ZFYVE9: variants seen among roughly 807,000 people sequenced by gnomAD.
The protein encoded by ZFYVE9 is zinc finger FYVE domain-containing protein 9.
In ZFYVE9, 43 loss-of-function variants were observed where a neutral mutation model predicts 126.7. The ratio of observed to expected loss-of-function variants is 0.34; its 90% confidence interval spans 0.27 to 0.44. ZFYVE9 has a LOEUF of 0.44. ZFYVE9 is among the 20% of genes least tolerant of loss of function. The pLI is 1.00. For synonymous variants in ZFYVE9, 521 were observed against 597.4 expected, an observed-to-expected ratio of 0.87 and a Z score of 1.87; for missense variants, 1,476 against 1,697.0, an observed-to-expected ratio of 0.87 and a Z score of 2.29.
At chr1:52,190,729 A>G (rs1444222982) in intron 1 of ZFYVE9, among the ~76,000 whole-genome samples, 1 of 152,214 alleles carries the variant, frequency 6.6e-6, no homozygotes, top group Non-Finnish European at 1.5e-5. Flanking sequence ...AACATGGCTG[A>G]GATAAAGTAC....
chr1:52,144,224 C>T (rs1644287848), intron 1 of ZFYVE9, among the ~76,000 whole-genome samples: 1 of 152,024 alleles, frequency 6.6e-6, no homozygotes, highest in South Asian at 2.1e-4. Flanking sequence ...GAGGCTGAGG[C>T]ACAAGAATCA....
chr1:52,296,069 C>A, intron 12 of ZFYVE9, 92 bp downstream of exon 12: 2 of 1,134,056 alleles, frequency 1.8e-6, no homozygotes, highest in Non-Finnish European at 2.6e-6. Flanking sequence ...TAGCTGTGCC[C>A]AAGCTGCTTA....
chr1:52,332,750 T>C lies in ZFYVE9; in HGVS notation c.3439-18T>C. 1 of 1,611,198 alleles carries C rather than the reference T, an allele frequency of 6.2e-7. No homozygotes were observed. Among genetic ancestry groups the C allele is most frequent in the South Asian group, 1.1e-5 (1 of 90,866 alleles). On this transcript the variant is annotated intron_variant, in intron 13 of 18. Transcript: ENST00000287727. ...AATGCCCATTCTTGTCAGAATAAGGTTATCTCTTTGATTGCAGATGATGAA... is the reference window on the plus strand; with the variant it reads ...AATGCCCATTCTTGTCAGAATAAGGCTATCTCTTTGATTGCAGATGATGAA...
intron 1 of ZFYVE9, among the ~76,000 whole-genome samples, chr1:52,188,423 G>A (rs2124551614): frequency 6.6e-6 from 1 of 152,224 alleles, no homozygotes; most frequent in Non-Finnish European, 1.5e-5. Flanking sequence ...ATAAACCCCT[G>A]TGACATGAGT....
chr1:52,172,458 G>A (rs1644582527), intron 1 of ZFYVE9, among the ~76,000 whole-genome samples: 1 of 152,058 alleles, frequency 6.6e-6, no homozygotes, highest in African/African-American at 2.4e-5. Flanking sequence ...TTGTTCTTTT[G>A]GCTTAGGATT....
Position 52,237,572 on chromosome 1 carries a change from C to A in ZFYVE9, c.155C>A (p.Thr52Asn). 6.2e-7 allele frequency: 1 copy of A among 1,614,034 alleles called. No individual in the cohort carries two copies. The highest frequency in any genetic ancestry group is 1.6e-4 in the Middle Eastern group (1 of 6,062). Residue 52 changes from threonine (T) to asparagine (N), a missense_variant, in exon 4 of 19, where the codon ACT becomes AAT. Transcript: ENST00000287727. ...TCTCACCGGCTGTCATTTAACCCTA[C>A]TTTGGCCAGTGTGAATGAATCTGCA... ...PPSHRLSFNPTLASVNESAVS... is the reference protein window; with the variant it reads ...PPSHRLSFNPNLASVNESAVS...
intron 1 of ZFYVE9, among the ~76,000 whole-genome samples, chr1:52,153,956 A>G (rs1644378922): frequency 6.6e-6 from 1 of 152,170 alleles, no homozygotes; most frequent in Non-Finnish European, 1.5e-5. Flanking sequence ...ATAGCACACC[A>G]TTTTTGTCTC....
intron 7 of ZFYVE9, among the ~76,000 whole-genome samples, chr1:52,273,919 TTGTGGAAAAATATTAAC>T (rs1196684439): frequency 6.6e-6 from 1 of 152,146 alleles, no homozygotes; most frequent in Non-Finnish European, 1.5e-5. Context: ...CCCTTTTTTA[TTGTGGAAAAATATTAAC>T]ATATATAACA....
intron 1 of ZFYVE9, among the ~76,000 whole-genome samples, chr1:52,181,735 G>T (rs1409166044): frequency 6.7e-6 from 1 of 149,766 alleles, no homozygotes; most frequent in Non-Finnish European, 1.5e-5. Flanking sequence ...CTGCCCCGCT[G>T]CCCCGTCTGG....
intron 15 of ZFYVE9, among the ~76,000 whole-genome samples, chr1:52,335,381 GT>G (rs574201855): frequency 6.6e-6 from 1 of 152,292 alleles, no homozygotes. Context: ...TGGAGTCTTA[GT>G]TGGGATCACT....
At chr1:52,241,036 G>T (rs1645329004) in intron 4 of ZFYVE9, among the ~76,000 whole-genome samples, 1 of 152,056 alleles carries the variant, frequency 6.6e-6, no homozygotes, top group African/African-American at 2.4e-5. Context: ...ACTATATTTG[G>T]GATTCTTGCA....
chr1:52,245,643 C>T (rs575591832), intron 4 of ZFYVE9, among the ~76,000 whole-genome samples: 2 of 152,284 alleles, frequency 1.3e-5, no homozygotes, highest in East Asian at 1.9e-4. Flanking sequence ...GGGACTTTGA[C>T]TTCTAGAACC....
At position 52,239,124 on chromosome 1, in the gene ZFYVE9, G is replaced by A. The variant is rs769191238; in HGVS notation, c.1707G>A (p.Leu569=). The A allele has an allele frequency of 1.2e-6, 2 of 1,613,972 alleles. No homozygotes were observed. The highest frequency in any genetic ancestry group is 1.3e-5 in the African/African-American group (1 of 74,906). Residue 569 remains leucine (L), a synonymous_variant, in exon 4 of 19, where the codon CTG becomes CTA. Coordinates refer to ENST00000287727, the MANE Select transcript of ZFYVE9 (RefSeq NM_004799.4). ...GQSSPKVVAS[L]PSISVPFGGA... is the part of the protein sequence containing the mutation. ...CTTCCCCCAAGGTAGTAGCAAGCCT[G>A]CCATCTATCAGTGTTCCTTTTGGTG...
chr1:52,303,740 A>T, intron 12 of ZFYVE9, 81 bp from the exon 13 acceptor site: 1 of 838,752 alleles, frequency 1.2e-6, no homozygotes, highest in Non-Finnish European at 1.8e-6. Flanking sequence ...CATTTTTTCC[A>T]TTCGTGTTAA....
intron 1 of ZFYVE9, among the ~76,000 whole-genome samples, chr1:52,191,579 C>A (rs1644817007): frequency 6.6e-6 from 1 of 152,154 alleles, no homozygotes; most frequent in African/African-American, 2.4e-5. Context: ...CTAATCCTTA[C>A]CACAGTCCTA....
At position 52,238,978 on chromosome 1, in the gene ZFYVE9, G is replaced by A; in HGVS notation, c.1561G>A (p.Glu521Lys). The A allele has an allele frequency of 1.2e-6, 2 of 1,614,092 alleles. No homozygotes were observed. Among genetic ancestry groups the A allele is most frequent in the South Asian group, 1.1e-5 (1 of 91,074 alleles). ...GTCAGAATGCTACTCAAATATTTAT[G>A]AACAGAGAGGAAATGAGGCCACAGA... ...SKSECYSNIY[E>K]QRGNEATEGS... The change falls in exon 4 of 19, where the codon GAA becomes AAA. Residue 521 changes from glutamate to lysine, a missense_variant. Physicochemically the swap from Glu to Lys is moderately conservative, Grantham distance 56. Transcript: ENST00000287727.
At chr1:52,259,250 A>G (rs1645553910) in intron 4 of ZFYVE9, among the ~76,000 whole-genome samples, 1 of 152,122 alleles carries the variant, frequency 6.6e-6, no homozygotes, top group South Asian at 2.1e-4. Context: ...ATGTTGGATT[A>G]GGAGACTACC....
chr1:52,316,183 A>T (rs866793435), intron 13 of ZFYVE9, among the ~76,000 whole-genome samples: 1,608 of 147,508 alleles, frequency 0.011, 41 homozygotes, highest in African/African-American at 0.038. Flanking sequence ...AAAAAAAAAA[A>T]AAAAAAAGAA....
intron 1 of ZFYVE9, among the ~76,000 whole-genome samples, chr1:52,192,265 A>T (rs1264288412): frequency 6.6e-6 from 1 of 152,228 alleles, no homozygotes; most frequent in Non-Finnish European, 1.5e-5. Context: ...ACTTTTAGGC[A>T]TTGTGGGAGT....
Sources: gnomAD v4.1 joint callset for allele counts (sites outside exome capture counted in the v4.1 genomes callset) on GRCh38, gnomAD v4.1.1 for gene constraint, MANE v1.5 for transcripts, NCBI Gene and HGNC (gene_info 2026-07-23, HGNC 2026-07-21) for gene names.